The following IMMP2L variants were observed in gnomAD, a reference collection of about 807,000 sequenced individuals.
The protein encoded by IMMP2L is mitochondrial inner membrane protease subunit 2.
Under a neutral mutation model 19.3 loss-of-function variants are expected in IMMP2L, and 18 were observed. That is an observed-to-expected ratio of 0.93 (90% CI 0.64 to 1.38). IMMP2L has a LOEUF of 1.38. Ranked by LOEUF, IMMP2L falls within the 40% of genes most tolerant of loss-of-function variation. IMMP2L has a pLI of 0.00. For missense variants in IMMP2L, 233 were observed against 218.2 expected (o/e 1.07, Z -0.43); for synonymous variants, 76 against 73.0 (o/e 1.04, Z -0.21).
chr7:110,887,157 A>T (rs1343932227), intron 4 of IMMP2L, among the ~76,000 whole-genome samples: 1 of 152,068 alleles, frequency 6.6e-6, no homozygotes, highest in Non-Finnish European at 1.5e-5. Flanking sequence ...ACCTCTTAAT[A>T]CTCTAAATTT....
chr7:110,904,407 C>T (rs1812240529), intron 4 of IMMP2L, among the ~76,000 whole-genome samples: 1 of 152,136 alleles, frequency 6.6e-6, no homozygotes, highest in Non-Finnish European at 1.5e-5. Flanking sequence ...ATTCTTTAAT[C>T]CACTCTGAGT....
intron 3 of IMMP2L, among the ~76,000 whole-genome samples, chr7:111,205,300 T>C (rs1330615149): frequency 6.6e-6 from 1 of 152,222 alleles, no homozygotes; most frequent in Non-Finnish European, 1.5e-5. Flanking sequence ...GTGATTAAGT[T>C]TCAACATATG....
chr7:111,472,036 G>A (rs1841317809), intron 3 of IMMP2L, among the ~76,000 whole-genome samples: 1 of 151,892 alleles, frequency 6.6e-6, no homozygotes, highest in East Asian at 1.9e-4. Context: ...ATCTTATTCT[G>A]TACCACATTC....
chr7:111,386,059 T>G (rs985803185), intron 3 of IMMP2L, among the ~76,000 whole-genome samples: 16 of 151,712 alleles, frequency 1.1e-4, no homozygotes, highest in Admixed American at 2.0e-4. Context: ...TTTTTTTTTT[T>G]AAGAAACAGG....
At chr7:111,133,295 G>A (rs142266958) in intron 3 of IMMP2L, among the ~76,000 whole-genome samples, 250 of 152,084 alleles carry the variant, frequency 1.6e-3, no homozygotes, top group African/African-American at 4.9e-3. Context: ...ATAGGCAGAG[G>A]GACGATTACA....
intron 5 of IMMP2L, among the ~76,000 whole-genome samples, chr7:110,685,670 A>G (rs1793061091): frequency 6.6e-6 from 1 of 152,118 alleles, no homozygotes; most frequent in African/African-American, 2.4e-5. Flanking sequence ...TCTTCTTAGA[A>G]AATCTATCTC....
At chr7:111,389,562 T>C (rs898640650) in intron 3 of IMMP2L, among the ~76,000 whole-genome samples, 4 of 151,564 alleles carry the variant, frequency 2.6e-5, no homozygotes, top group Non-Finnish European at 5.9e-5. Context: ...ATAATAATAA[T>C]GTGTAATGGT....
intron 5 of IMMP2L, among the ~76,000 whole-genome samples, chr7:110,706,989 A>C (rs1794734691): frequency 2.7e-5 from 1 of 36,452 alleles, no homozygotes; most frequent in Non-Finnish European, 7.2e-5. Context: ...TGTTACACTT[A>C]AATTTTTTTT....
chr7:111,391,873 T>G (rs1249436053), intron 3 of IMMP2L: 26 of 702,630 alleles, frequency 3.7e-5, no homozygotes, highest in Non-Finnish European at 7.8e-6. Context: ...CAGATGGGAT[T>G]CCTGCCCTCT....
chr7:110,841,672 A>G (rs949160595), intron 5 of IMMP2L, among the ~76,000 whole-genome samples: 1 of 152,134 alleles, frequency 6.6e-6, no homozygotes, highest in Non-Finnish European at 1.5e-5. Flanking sequence ...CAAATATTGA[A>G]ATACTATTGC....
intron 3 of IMMP2L, among the ~76,000 whole-genome samples, chr7:111,412,189 A>G (rs1834495377): frequency 6.6e-6 from 1 of 151,836 alleles, no homozygotes; most frequent in Non-Finnish European, 1.5e-5. Context: ...ACTGAAAGGA[A>G]AAAAAAGAAA....
chr7:111,069,568 G>A (rs1794779099), intron 3 of IMMP2L, among the ~76,000 whole-genome samples: 2 of 152,036 alleles, frequency 1.3e-5, no homozygotes, highest in Admixed American at 1.3e-4. Context: ...AATGAAGACT[G>A]ATTACTATAA....
At chr7:111,103,403 T>C (rs1798192027) in intron 3 of IMMP2L, among the ~76,000 whole-genome samples, 1 of 151,668 alleles carries the variant, frequency 6.6e-6, no homozygotes, top group African/African-American at 2.4e-5. Context: ...CTAGCCACAC[T>C]GATTTGCACC....
chr7:111,342,729 T>C (rs1418802901), intron 3 of IMMP2L, among the ~76,000 whole-genome samples: 1 of 152,136 alleles, frequency 6.6e-6, no homozygotes, highest in Non-Finnish European at 1.5e-5. Context: ...CTGTTCATTA[T>C]TCAACGAGCA....
intron 3 of IMMP2L, among the ~76,000 whole-genome samples, chr7:110,966,816 G>C (rs115505595): frequency 0.016 from 2,440 of 152,116 alleles, 65 homozygotes; most frequent in African/African-American, 0.055. Flanking sequence ...GAAGTGCTCA[G>C]AGAGTTATAC....
intron 3 of IMMP2L, among the ~76,000 whole-genome samples, chr7:111,142,098 G>A (rs1163763048): frequency 6.6e-6 from 1 of 152,112 alleles, no homozygotes; most frequent in Non-Finnish European, 1.5e-5. Context: ...GGCCAAGGTA[G>A]GCAGATGACC....
At chr7:111,281,206 GAAAGAA>G (rs1819785834) in intron 3 of IMMP2L, among the ~76,000 whole-genome samples, 1 of 40,352 alleles carries the variant, frequency 2.5e-5, no homozygotes, top group African/African-American at 8.5e-5. Flanking sequence ...AAGAAAGAAA[GAAAGAA>G]AGAAAAAGAA....
chr7:111,410,044 G>A (rs959229076), intron 3 of IMMP2L, among the ~76,000 whole-genome samples: 5 of 151,762 alleles, frequency 3.3e-5, no homozygotes, highest in African/African-American at 7.3e-5. Context: ...TAAAAAGAAC[G>A]CTATGCAGAG....
At chr7:110,906,433 A>T (rs1462147558) in intron 4 of IMMP2L, among the ~76,000 whole-genome samples, 1 of 152,204 alleles carries the variant, frequency 6.6e-6, no homozygotes, top group Admixed American at 6.5e-5. Flanking sequence ...TCCATTTAAG[A>T]CAGCATTTGT....
Sources: allele counts gnomAD v4.1 joint callset (sites outside exome capture counted in the v4.1 genomes callset), GRCh38; gene constraint gnomAD v4.1.1; transcripts MANE v1.5; gene names NCBI Gene and HGNC (gene_info 2026-07-23, HGNC 2026-07-21).